Variants in CECR2 observed in about 807,000 individuals in gnomAD.
The protein encoded by CECR2 is CECR2 histone acetyl-lysine reader.
In CECR2, 30 loss-of-function variants were observed where a neutral mutation model predicts 154.5. That is an observed-to-expected ratio of 0.19 (90% confidence interval 0.15 to 0.26). The LOEUF (loss-of-function observed/expected upper bound fraction) is 0.26, where lower values mean the gene tolerates loss of function less well. CECR2 is among the 10% of genes least tolerant of loss of function. The probability of loss-of-function intolerance (pLI) is 1.00; values close to 1 mark genes in which losing one functional copy is unlikely to be tolerated. For synonymous variants in CECR2, 725 were observed against 683.7 expected, an observed-to-expected ratio of 1.06 and a Z score of -0.94; for missense variants, 1,743 against 1,829.3, an observed-to-expected ratio of 0.95 and a Z score of 0.86.
chr22:17,459,184 C>T (rs1016892916), intron 1 of CECR2, among the ~76,000 whole-genome samples: 2 of 152,160 alleles, frequency 1.3e-5, no homozygotes, highest in Non-Finnish European at 2.9e-5. Flanking sequence ...ACAGTAAGAA[C>T]CTGCAGGGTG....
At chr22:17,443,442 T>G (rs968648930) in intron 1 of CECR2, among the ~76,000 whole-genome samples, 1 of 152,074 alleles carries the variant, frequency 6.6e-6, no homozygotes, top group Non-Finnish European at 1.5e-5. Flanking sequence ...GCAGGAGTCT[T>G]AGAGACTCCC....
At chr22:17,509,980 T>G (rs1463423947) in intron 7 of CECR2, among the ~76,000 whole-genome samples, 1 of 152,042 alleles carries the variant, frequency 6.6e-6, no homozygotes, top group Non-Finnish European at 1.5e-5. Context: ...TACTTAAACC[T>G]TTTTTTTGTT....
At chr22:17,449,698 T>C (rs1021387141) in intron 1 of CECR2, among the ~76,000 whole-genome samples, 13 of 151,744 alleles carry the variant, frequency 8.6e-5, no homozygotes, top group South Asian at 4.2e-4. Flanking sequence ...ACTGTGTTAG[T>C]CAGGATGGTC....
upstream of CECR2, among the ~76,000 whole-genome samples, chr22:17,368,092 G>A (rs1008506814): frequency 1.3e-5 from 2 of 152,118 alleles, no homozygotes; most frequent in East Asian, 1.9e-4. Flanking sequence ...ATTCACAGAA[G>A]ATGCACGTGA....
chr22:17,485,493 C>T lies in CECR2; in HGVS notation c.221+7811C>T, dbSNP rs73379496. Among the ~76,000 whole-genome samples the T allele has an allele frequency of 2.1e-3, 322 of 152,316 alleles. 1 individual carries two copies. Among genetic ancestry groups the T allele is most frequent in the Middle Eastern group, 0.01 (3 of 294 alleles). ...GAAAAGTAGTGAAGTATTGGCCGGG[C>T]GTGGTGGCTCACGCCTGTAATCTCA... On this transcript the variant is annotated intron_variant, in intron 2 of 18. Transcript: ENST00000262608.
intron 1 of CECR2, among the ~76,000 whole-genome samples, chr22:17,436,629 A>G (rs1361929024): frequency 6.6e-6 from 1 of 152,228 alleles, no homozygotes; most frequent in Non-Finnish European, 1.5e-5. Context: ...TGCCTGTGCA[A>G]TGCTGACTGA....
intron 1 of CECR2, among the ~76,000 whole-genome samples, chr22:17,428,826 G>GTGTGTGTGTGTGTGTA (rs369291932): frequency 2.1e-4 from 31 of 150,706 alleles, no homozygotes; most frequent in Admixed American, 9.9e-4. Flanking sequence ...GTGTGTGTGT[G>GTGTGTGTGTGTGTGTA]TATATAAAGG....
At chr22:17,362,901 C>CAAAA (rs372498587) in intron 1 of CECR2, among the ~76,000 whole-genome samples, 1 of 82,162 alleles carries the variant, frequency 1.2e-5, no homozygotes, top group African/African-American at 4.5e-5. Context: ...AACTCCGTCT[C>CAAAA]AAAAAAAAAA....
At chr22:17,458,415 A>C (rs74620108) in intron 1 of CECR2, among the ~76,000 whole-genome samples, 2 of 135,848 alleles carry the variant, frequency 1.5e-5, no homozygotes, top group Admixed American at 7.4e-5. Context: ...CTCTGTCTCC[A>C]AAAAAAAAAA....
intron 1 of CECR2, among the ~76,000 whole-genome samples, chr22:17,401,438 A>G (rs1410648651): frequency 6.6e-6 from 1 of 152,134 alleles, no homozygotes; most frequent in Non-Finnish European, 1.5e-5. Flanking sequence ...AGGGTGTGAT[A>G]TCCTTGTGTC....
intron 10 of CECR2, among the ~76,000 whole-genome samples, chr22:17,537,466 C>T (rs923359731): frequency 6.6e-6 from 1 of 152,188 alleles, no homozygotes; most frequent in African/African-American, 2.4e-5. Flanking sequence ...TTCATCCCCT[C>T]AATTTAATGA....
chr22:17,536,799 C>T (rs948492152), intron 9 of CECR2, among the ~76,000 whole-genome samples: 1 of 152,102 alleles, frequency 6.6e-6, no homozygotes, highest in Non-Finnish European at 1.5e-5. Flanking sequence ...GACTGCCATT[C>T]TTCTGTTTTC....
chr22:17,456,776 G>T (rs949751230), intron 1 of CECR2, among the ~76,000 whole-genome samples: 2 of 152,072 alleles, frequency 1.3e-5, no homozygotes, highest in African/African-American at 4.8e-5. Flanking sequence ...ATATGGAGAT[G>T]GACTAAAATA....
At chr22:17,370,190 G>C (rs1467135599) in intron 1 of CECR2, among the ~76,000 whole-genome samples, 1 of 151,000 alleles carries the variant, frequency 6.6e-6, no homozygotes, top group Non-Finnish European at 1.5e-5. Context: ...AGAGGGAGCG[G>C]GAGCGGGACC....
At chr22:17,395,589 C>G (rs1322598581) in intron 1 of CECR2, among the ~76,000 whole-genome samples, 1 of 152,116 alleles carries the variant, frequency 6.6e-6, no homozygotes, top group Admixed American at 6.6e-5. Context: ...AAGTGATATG[C>G]CCGCCTCAGC....
At chr22:17,407,251 T>C (rs12484366) in intron 1 of CECR2, among the ~76,000 whole-genome samples, 2,801 of 152,318 alleles carry the variant, frequency 0.018, 53 homozygotes, top group Middle Eastern at 0.044. Flanking sequence ...GCTTGCATCA[T>C]CCTAGTGAGA....
At chr22:17,421,314 C>CA (rs920666322) in intron 1 of CECR2, among the ~76,000 whole-genome samples, 1 of 151,594 alleles carries the variant, frequency 6.6e-6, no homozygotes, top group Non-Finnish European at 1.5e-5. Context: ...ACTAAAAATA[C>CA]AAAAAAATTA....
chr22:17,369,296 C>T (rs1273924917), upstream of CECR2: 1 of 150,768 alleles, frequency 6.6e-6, no homozygotes, highest in African/African-American at 2.4e-5. Context: ...CGGATCTGGG[C>T]CCGGGGGCGC....
chr22:17,447,893 GTT>G (rs2054702545), intron 1 of CECR2, among the ~76,000 whole-genome samples: 1 of 151,498 alleles, frequency 6.6e-6, no homozygotes, highest in African/African-American at 2.4e-5. Context: ...TTGTTTGTTT[GTT>G]TTTGTTTTTA....
Sources: gnomAD v4.1 joint callset for allele counts (sites outside exome capture counted in the v4.1 genomes callset) on GRCh38, gnomAD v4.1.1 for gene constraint, MANE v1.5 for transcripts, NCBI Gene and HGNC (gene_info 2026-07-23, HGNC 2026-07-21) for gene names.